The following NWD1 variants were observed in gnomAD, a reference collection of about 807,000 sequenced individuals.
NWD1 encodes NACHT and WD repeat domain containing 1.
Under a neutral mutation model 135.1 loss-of-function variants are expected in NWD1, and 129 were observed. The observed-to-expected ratio is 0.96, with a 90% CI of 0.83 to 1.11. NWD1 has a LOEUF of 1.11. Among genes scored for constraint, NWD1 ranks in the 50% least tolerant of loss-of-function variants. The pLI, the probability that NWD1 is intolerant of heterozygous loss-of-function variation, is 0.00. For synonymous variants in NWD1, 773 were observed against 786.0 expected, an observed-to-expected ratio of 0.98 and a Z score of 0.28; for missense variants, 1,740 against 1,851.3, an observed-to-expected ratio of 0.94 and a Z score of 1.10.
Position 16,759,463 on chromosome 19 carries a change from G to A in NWD1, c.1973+35G>A, listed in dbSNP as rs990103173. On this transcript the variant is annotated intron_variant, in intron 7 of 18. Transcript: ENST00000524140. The stretch of plus-strand genomic sequence containing the variant: ...GGCAGCAGTGGCAGCGACACTGTCT[G>A]GGTGGGACCCCAAGAATGAGGACTC... 1.5e-5 allele frequency: 23 copies of A among 1,484,778 alleles called. No homozygotes were observed. The African/African-American group carries it at 1.9e-4, about 13-fold the overall frequency. The allele number at this position is 1,484,778 out of a possible 1,614,324, so 92.0% of individuals were successfully genotyped here. A position where few individuals can be genotyped will look rare whatever the true frequency, so the allele number is the denominator to read the frequency against.
intron 12 of NWD1, among the ~76,000 whole-genome samples, chr19:16,782,294 A>AG (rs1273315838): frequency 6.6e-6 from 1 of 150,960 alleles, no homozygotes; most frequent in East Asian, 1.9e-4. Flanking sequence ...TAAAAAAAAA[A>AG]AAAAAAAAAA....
In NWD1 at chr19:16,759,328, C is replaced by G; in HGVS notation, c.1873C>G (p.Arg625Gly). The G allele has an allele frequency of 6.2e-7, 1 of 1,613,918 alleles. No individual in the cohort carries two copies. The highest frequency in any genetic ancestry group is 8.5e-7 in the Non-Finnish European group (1 of 1,179,870). Reference protein sequence around the residue: ...DWTPPSKELLRFPPLLWVRLR... With the variant: ...DWTPPSKELLGFPPLLWVRLR... ...GACCCCGCCCAGCAAGGAGCTGCTG[C>G]GCTTCCCGCCCCTGCTGTGGGTGCG... Residue 625 changes from arginine to glycine, a missense_variant, in exon 7 of 19, where the codon CGC becomes GGC. Coordinates refer to ENST00000524140, the MANE Select transcript of NWD1 (RefSeq NM_001007525.5).
chr19:16,814,892 G>C (rs1971021966), intron 18 of NWD1, 136 bp from the exon 19 acceptor site: 1 of 690,942 alleles, frequency 1.4e-6, no homozygotes, highest in Non-Finnish European at 2.5e-6. Flanking sequence ...GGGACTCTTT[G>C]GCATAATAAA....
intron 3 of NWD1, among the ~76,000 whole-genome samples, chr19:16,734,361 A>AGAT (rs1967703815): frequency 6.6e-6 from 1 of 152,018 alleles, no homozygotes; most frequent in African/African-American, 2.4e-5. Flanking sequence ...ATCCTGGCTA[A>AGAT]CACGGTGAAA....
At chr19:16,751,452 GAGAAAGAAAGGAAGAGAGAA>G (rs990146917) in intron 6 of NWD1, among the ~76,000 whole-genome samples, 3 of 149,802 alleles carry the variant, frequency 2.0e-5, no homozygotes, top group Non-Finnish European at 3.0e-5. Flanking sequence ...AGGAAGGAGA[GAGAAAGAAAGGAAGAGAGAA>G]AGAAAGAGAA....
intron 9 of NWD1, 67 bp downstream of exon 9, chr19:16,764,012 C>A: frequency 1.0e-6 from 1 of 970,888 alleles, no homozygotes; most frequent in Non-Finnish European, 1.7e-6. Context: ...TCTTCTAGAG[C>A]CTGGGGAGGG....
intron 11 of NWD1, among the ~76,000 whole-genome samples, chr19:16,775,300 T>TAAA (rs59783116): frequency 6.8e-4 from 102 of 151,006 alleles, no homozygotes; most frequent in African/African-American, 2.3e-3. Flanking sequence ...TCAGATGTTG[T>TAAA]AAAAAAAAAT....
chr19:16,775,591 T>C (rs2122964097), intron 11 of NWD1, among the ~76,000 whole-genome samples: 1 of 152,306 alleles, frequency 6.6e-6, no homozygotes, highest in Non-Finnish European at 1.5e-5. Flanking sequence ...ACTAAATATT[T>C]CCACTCCTGT....
In NWD1 at chr19:16,736,806, CTT is replaced by C. The variant is rs1967839081; in HGVS notation, c.198+58_198+59del. The C allele has an allele frequency of 4.9e-6, 5 of 1,021,780 alleles. No homozygotes were observed. In the South Asian group the frequency reaches 6.8e-5, roughly 14 times the overall value. 63.3% of individuals were successfully genotyped at this position (1,021,780 alleles called of 1,614,324 possible). On this transcript the variant is annotated intron_variant, in intron 4 of 18. Coordinates refer to ENST00000524140, the MANE Select transcript of NWD1 (RefSeq NM_001007525.5). ...TTACTCCTCCAGGATATGCCCCCTG[CTT>C]TCTAGACAAACTGATCAGCAGAGGG...
intron 15 of NWD1, among the ~76,000 whole-genome samples, chr19:16,796,626 TCTTA>T (rs1412134340): frequency 2.6e-5 from 4 of 152,050 alleles, no homozygotes; most frequent in South Asian, 4.1e-4. Context: ...CTTTCTCCCT[TCTTA>T]CTTTCTTTCC....
chr19:16,775,677 T>C (rs1472880226), intron 11 of NWD1, among the ~76,000 whole-genome samples: 1 of 152,172 alleles, frequency 6.6e-6, no homozygotes, highest in East Asian at 1.9e-4. Context: ...TATTTTTATT[T>C]TTACTTTTTA....
intron 12 of NWD1, among the ~76,000 whole-genome samples, chr19:16,787,930 TCA>T (rs1329108502): frequency 3.5e-4 from 47 of 133,366 alleles, no homozygotes; most frequent in African/African-American, 1.3e-3. Flanking sequence ...ATCATCATCA[TCA>T]TCATCATCAT....
intron 11 of NWD1, among the ~76,000 whole-genome samples, chr19:16,776,856 G>A (rs1298558184): frequency 7.0e-6 from 1 of 143,828 alleles, no homozygotes; most frequent in East Asian, 2.1e-4. Flanking sequence ...ATGGGAGAAT[G>A]GCTTGAGCCC....
At chr19:16,745,368 T>C (rs1476220452) in intron 5 of NWD1, among the ~76,000 whole-genome samples, 1 of 151,824 alleles carries the variant, frequency 6.6e-6, no homozygotes, top group Non-Finnish European at 1.5e-5. Context: ...GGGGGAGCAA[T>C]GCAGGGCGAC....
At chr19:16,799,594 C>G (rs1209367802) in intron 16 of NWD1, among the ~76,000 whole-genome samples, 1 of 152,058 alleles carries the variant, frequency 6.6e-6, no homozygotes, top group African/African-American at 2.4e-5. Context: ...GCAAACTCCA[C>G]CTCCCGGGTT....
chr19:16,797,328 C>CTT (rs764836395), intron 15 of NWD1, among the ~76,000 whole-genome samples: 142 of 120,310 alleles, frequency 1.2e-3, no homozygotes, highest in African/African-American at 2.1e-3. Flanking sequence ...CAAAACATCT[C>CTT]TTTTTTTTTT....
rs1371462896 is a variant in NWD1 at position 16,785,869 on chromosome 19, A to AT, written c.2732-3106dup. Among the ~76,000 whole-genome samples, 6 of 149,818 alleles carry AT rather than the reference A, an allele frequency of 4.0e-5. No individual in the cohort carries two copies. The East Asian group carries it at 5.9e-4, about 15-fold the overall frequency. Reference sequence around the variant, plus strand: ...TGTGTCCATTGACTCTTTTTTTTAAATTTTTTTGTTTTTGAGATAGAGTCC... The same window carrying AT: ...TGTGTCCATTGACTCTTTTTTTTAAATTTTTTTTGTTTTTGAGATAGAGTCC... On this transcript the variant is annotated intron_variant, in intron 12 of 18. Coordinates refer to ENST00000524140, the MANE Select transcript of NWD1 (RefSeq NM_001007525.5).
At chr19:16,751,626 C>A (rs1250785729) in intron 6 of NWD1, among the ~76,000 whole-genome samples, 1 of 151,626 alleles carries the variant, frequency 6.6e-6, no homozygotes, top group African/African-American at 2.4e-5. Flanking sequence ...CATGGTGAAA[C>A]CTCATCTCAA....
Position 16,808,645 on chromosome 19 carries a change from G to A in NWD1, c.4287+509G>A, listed in dbSNP as rs150543423. On this transcript the variant is annotated intron_variant, in intron 18 of 18. Coordinates refer to ENST00000524140, the MANE Select transcript of NWD1 (RefSeq NM_001007525.5). ...TTTTTAAAGAGACAGGGACCCCACTGTCACGAGGCTGTAGTACAGTGGCAC... is the reference window on the plus strand; with the variant it reads ...TTTTTAAAGAGACAGGGACCCCACTATCACGAGGCTGTAGTACAGTGGCAC... Among the ~76,000 whole-genome samples the A allele has an allele frequency of 6.3e-3, 955 of 151,972 alleles. 8 individuals are homozygous for A. The highest frequency in any genetic ancestry group is 0.022 in the African/African-American group (917 of 41,454).
Sources: allele counts gnomAD v4.1 joint callset (sites outside exome capture counted in the v4.1 genomes callset), GRCh38; gene constraint gnomAD v4.1.1; transcripts MANE v1.5; gene names NCBI Gene and HGNC (gene_info 2026-07-23, HGNC 2026-07-21).